ARHGAP32: variants seen among roughly 807,000 people sequenced by gnomAD.
ARHGAP32 encodes Rho GTPase activating protein 32.
A neutral mutation model predicts 186.5 loss-of-function variants in ARHGAP32; 51 were observed. The ratio of observed to expected loss-of-function variants is 0.27; its 90% CI spans 0.22 to 0.35. ARHGAP32 has a LOEUF of 0.35. ARHGAP32 is among the 10% of genes least tolerant of loss of function. The pLI, the probability that ARHGAP32 is intolerant of heterozygous loss-of-function variation, is 1.00. For missense variants in ARHGAP32, 2,186 were observed against 2,623.5 expected, an observed-to-expected ratio of 0.83 and a Z score of 3.64; for synonymous variants, 950 against 964.3, an observed-to-expected ratio of 0.99 and a Z score of 0.27.
At chr11:129,275,242 A>G (rs1231044196) in intron 1 of ARHGAP32, among the ~76,000 whole-genome samples, 1 of 152,236 alleles carries the variant, frequency 6.6e-6, no homozygotes, top group Non-Finnish European at 1.5e-5. Flanking sequence ...CTTTCAGGTT[A>G]GAGTTTCTAA....
intron 11 of ARHGAP32, among the ~76,000 whole-genome samples, chr11:129,003,625 C>T (rs1413386617): frequency 6.6e-6 from 1 of 152,102 alleles, no homozygotes; most frequent in East Asian, 1.9e-4. Context: ...CTGAACATGT[C>T]TAGGAGTTTA....
chr11:129,033,629 G>GT (rs1939205161), intron 11 of ARHGAP32, among the ~76,000 whole-genome samples: 1 of 152,054 alleles, frequency 6.6e-6, no homozygotes, highest in Admixed American at 6.5e-5. Flanking sequence ...AAGCTTTTCA[G>GT]TTATAATTAA....
chr11:129,040,795 T>C (rs907037771), intron 11 of ARHGAP32, 133 bp downstream of exon 11: 2 of 611,914 alleles, frequency 3.3e-6, no homozygotes, highest in Non-Finnish European at 5.6e-6. Context: ...CAAAACCATA[T>C]AAAATTAAGA....
intron 5 of ARHGAP32, among the ~76,000 whole-genome samples, chr11:129,122,950 G>A (rs1371754209): frequency 2.6e-5 from 4 of 152,004 alleles, no homozygotes; most frequent in Non-Finnish European, 5.9e-5. Context: ...AATGTACAAA[G>A]GACATTAAGC....
At position 129,079,091 on chromosome 11, in the gene ARHGAP32, G is replaced by T. The variant is rs557488478; in HGVS notation, c.532-12223C>A. Among the ~76,000 whole-genome samples, 294 of 152,184 alleles carry T rather than the reference G, an allele frequency of 1.9e-3. 2 individuals are homozygous for T. Among genetic ancestry groups the T allele is most frequent in the Non-Finnish European group, 1.5e-3 (102 of 68,002 alleles). On this transcript the variant is annotated intron_variant, in intron 6 of 22. Coordinates refer to ENST00000682385, the MANE Select transcript of ARHGAP32 (RefSeq NM_001378024.1). ...GAAAAAAAATTAAAAAATGAACAAAGCCTTCAAGAAGTTTGGGATAATGTT... is the reference window on the plus strand; with the variant it reads ...GAAAAAAAATTAAAAAATGAACAAATCCTTCAAGAAGTTTGGGATAATGTT...
chr11:129,138,787 T>G (rs113491436), intron 2 of ARHGAP32, among the ~76,000 whole-genome samples: 2,804 of 152,288 alleles, frequency 0.018, 90 homozygotes, highest in African/African-American at 0.062. Context: ...CAATGAGTAT[T>G]ACCAATTTTT....
In ARHGAP32 at chr11:129,124,831, C is replaced by T; in HGVS notation, c.289G>A (p.Ala97Thr). ...TTCACATGCTTAACCTTCATACTGG[C>T]TGTACTGCCACACGTCTTAAGAGTA... The part of the protein sequence containing the change: ...DLTLKTCGST[A>T]SMKVKHVKKS... Residue 97 changes from alanine (A) to threonine (T), a missense_variant, in exon 3 of 23, where the codon GCC (alanine) becomes ACC (threonine). This residue lies in a region of ARHGAP32 where 108 missense variants were observed against 116.8 expected (regional missense o/e 0.92). Coordinates refer to ENST00000682385, the MANE Select transcript of ARHGAP32 (RefSeq NM_001378024.1). The T allele has an allele frequency of 6.2e-7, 1 of 1,610,584 alleles. No homozygotes were observed.
At chr11:129,004,026 C>A (rs1052601569) in intron 11 of ARHGAP32, among the ~76,000 whole-genome samples, 1 of 151,880 alleles carries the variant, frequency 6.6e-6, no homozygotes, top group Non-Finnish European at 1.5e-5. Context: ...CTTAGTACAG[C>A]TTTTATTGTA....
rs1303462234 is a variant in ARHGAP32, at chr11:128,967,758, G to T, written c.*1149C>A. On this transcript the variant is annotated 3_prime_UTR_variant, in exon 23 of 23. Coordinates refer to ENST00000682385, the MANE Select transcript of ARHGAP32 (RefSeq NM_001378024.1). ...GCCCAGAACTCCACTGGTGAAACGG[G>T]GCTGTGAACTAAGCAGTTATTGCAG... 1 of 152,064 alleles carries T rather than the reference G, an allele frequency of 6.6e-6. No individual in the cohort carries two copies. Among genetic ancestry groups the T allele is most frequent in the Non-Finnish European group, 1.5e-5 (1 of 68,012 alleles). 9.4% of individuals were successfully genotyped at this position (152,064 alleles called of 1,614,324 possible).
chr11:129,263,415 C>A (rs552541771), intron 1 of ARHGAP32, among the ~76,000 whole-genome samples: 102 of 152,024 alleles, frequency 6.7e-4, no homozygotes, highest in African/African-American at 2.3e-3. Context: ...TGAGCAAAGG[C>A]CTTGAACACA....
At chr11:129,224,222 T>A (rs1188680440) in intron 1 of ARHGAP32, among the ~76,000 whole-genome samples, 1 of 152,200 alleles carries the variant, frequency 6.6e-6, no homozygotes, top group Non-Finnish European at 1.5e-5. Context: ...GGCTGGAATA[T>A]ATGGCAAGAG....
chr11:129,114,028 C>T (rs1942297869), intron 5 of ARHGAP32, among the ~76,000 whole-genome samples: 1 of 152,036 alleles, frequency 6.6e-6, no homozygotes. Context: ...CAGTCATCCC[C>T]TTTTTTCCTA....
At chr11:129,169,459 G>A (rs569980809) in intron 1 of ARHGAP32, among the ~76,000 whole-genome samples, 25 of 151,826 alleles carry the variant, frequency 1.6e-4, no homozygotes, top group African/African-American at 4.1e-4. Flanking sequence ...GTGAAACCCC[G>A]TCTCTACTAA....
chr11:129,051,403 G>A (rs909720338), intron 10 of ARHGAP32, among the ~76,000 whole-genome samples: 1 of 152,162 alleles, frequency 6.6e-6, no homozygotes, highest in African/African-American at 2.4e-5. Context: ...GTGATGATGA[G>A]CTTTTTCTCT....
chr11:129,113,101 G>A (rs2135346561), intron 5 of ARHGAP32, among the ~76,000 whole-genome samples: 1 of 152,214 alleles, frequency 6.6e-6, no homozygotes, highest in South Asian at 2.1e-4. Context: ...CTTCTTGGGA[G>A]CATTTCCAGC....
In ARHGAP32 at chr11:129,029,019, A is replaced by T. The variant is rs188828235; in HGVS notation, c.1045+11909T>A. 6.6e-5 allele frequency among the ~76,000 whole-genome samples: 10 copies of T among 152,340 alleles called. No individual in the cohort carries two copies. The East Asian group carries it at 1.9e-3, about 29-fold the overall frequency. On this transcript the variant is annotated intron_variant, in intron 11 of 22. Transcript: ENST00000682385. The stretch of plus-strand genomic sequence containing the variant: ...TGCTACAATGTAAGAGAGTTTGGGG[A>T]TATTTTTTATGCATAGTGAAGAAAA...
chr11:129,277,143 A>G (rs1301951762), intron 1 of ARHGAP32, among the ~76,000 whole-genome samples: 1 of 152,236 alleles, frequency 6.6e-6, no homozygotes, highest in Non-Finnish European at 1.5e-5. Context: ...GTGTGCAGAT[A>G]ATATACTCAG....
intron 2 of ARHGAP32, among the ~76,000 whole-genome samples, chr11:129,132,839 G>C (rs1339759330): frequency 6.6e-6 from 1 of 152,050 alleles, no homozygotes; most frequent in Non-Finnish European, 1.5e-5. Flanking sequence ...TTAGATATTG[G>C]AACCAATGGA....
At chr11:129,121,064 T>C (rs1282913419) in intron 5 of ARHGAP32, among the ~76,000 whole-genome samples, 1 of 152,086 alleles carries the variant, frequency 6.6e-6, no homozygotes, top group Admixed American at 6.6e-5. Context: ...TTTTTACCTA[T>C]GTAAAAAGCA....
Sources: allele counts gnomAD v4.1 joint callset (sites outside exome capture counted in the v4.1 genomes callset), GRCh38; gene constraint gnomAD v4.1.1; regional missense constraint gnomAD v4.1.1; transcripts MANE v1.5; gene names NCBI Gene and HGNC (gene_info 2026-07-23, HGNC 2026-07-21).